The following C1QTNF7 variants were observed in gnomAD, a reference collection of about 807,000 sequenced individuals.
C1QTNF7 encodes the protein complement C1q tumor necrosis factor-related protein 7.
In C1QTNF7, 15 loss-of-function variants were observed where a neutral mutation model predicts 19.6. That is an observed-to-expected ratio of 0.76 (90% CI 0.51 to 1.18). The LOEUF (loss-of-function observed/expected upper bound fraction) is 1.18. Ranked by LOEUF, C1QTNF7 falls within the 50% of genes most tolerant of loss-of-function variation. The probability of loss-of-function intolerance (pLI) is 0.00; values close to 1 mark genes in which losing one functional copy is unlikely to be tolerated. For synonymous variants in C1QTNF7, 142 were observed against 137.5 expected (o/e 1.03, Z -0.23); for missense variants, 324 against 359.7 (o/e 0.90, Z 0.80).
At chr4:15,413,762 T>C (rs1310185590) in intron 1 of C1QTNF7, among the ~76,000 whole-genome samples, 1 of 152,226 alleles carries the variant, frequency 6.6e-6, no homozygotes, top group African/African-American at 2.4e-5. Flanking sequence ...CCTCTGTGGA[T>C]GGAGACAAGG....
intron 1 of C1QTNF7, among the ~76,000 whole-genome samples, chr4:15,380,834 C>T (rs1175815760): frequency 6.6e-6 from 1 of 151,984 alleles, no homozygotes; most frequent in African/African-American, 2.4e-5. Context: ...ACTGGGGAGG[C>T]TGAGGCAGGA....
At chr4:15,393,426 A>G (rs757470850) in intron 1 of C1QTNF7, among the ~76,000 whole-genome samples, 7 of 152,156 alleles carry the variant, frequency 4.6e-5, no homozygotes, top group East Asian at 1.9e-4. Context: ...TCTTAGAAGG[A>G]GGCCCCCAGG....
intron 2 of C1QTNF7, among the ~76,000 whole-genome samples, chr4:15,440,782 CATT>C (rs2108942441): frequency 6.6e-6 from 1 of 152,202 alleles, no homozygotes; most frequent in Non-Finnish European, 1.5e-5. Flanking sequence ...TGGTGGCAGT[CATT>C]GTTTTATGGT....
At position 15,430,393 on chromosome 4, in the gene C1QTNF7, T is replaced by C. The variant is rs1712250219; in HGVS notation, c.-9+2287T>C. Among the ~76,000 whole-genome samples, 4 of 152,284 alleles carry C rather than the reference T, an allele frequency of 2.6e-5. No individual in the cohort carries two copies. The South Asian group carries it at 8.3e-4, about 32-fold the overall frequency. ...TGAGTTTAGGAGTTCAAGACCAACC[T>C]GGGTAACTTGGTGAAACCTCATCTC... is the stretch of plus-strand genomic sequence containing the variant. On this transcript the variant is annotated intron_variant, in intron 1 of 2. Transcript: ENST00000444304.
At chr4:15,364,426 G>A (rs1454641990) in intron 1 of C1QTNF7, among the ~76,000 whole-genome samples, 1 of 152,142 alleles carries the variant, frequency 6.6e-6, no homozygotes, top group Non-Finnish European at 1.5e-5. Context: ...CTGAGATCTG[G>A]GAGGTGTTTA....
chr4:15,427,362 CACCATAGACGACTAGTCATATGCTTTGGA>C (rs1712097162), upstream of C1QTNF7, among the ~76,000 whole-genome samples: 1 of 152,130 alleles, frequency 6.6e-6, no homozygotes, highest in Admixed American at 6.5e-5. Context: ...AAATTGATTG[CACCATAGACGACTAGTCATATGCTTTGGA>C]GAATCATTCT....
intron 1 of C1QTNF7, among the ~76,000 whole-genome samples, chr4:15,340,361 C>T (rs1329450761): frequency 4.6e-5 from 7 of 152,098 alleles, no homozygotes; most frequent in Non-Finnish European, 1.5e-5. Context: ...GGTTAGAAAA[C>T]CTCCGCAGGA....
chr4:15,340,551 A>C (rs1311392521), intron 1 of C1QTNF7, among the ~76,000 whole-genome samples: 1 of 152,124 alleles, frequency 6.6e-6, no homozygotes, highest in Non-Finnish European at 1.5e-5. Flanking sequence ...CAGCTTATCT[A>C]TGTTTTCTTA....
At chr4:15,358,140 G>C (rs1172157140) in intron 1 of C1QTNF7, 1 of 152,188 alleles carries the variant, frequency 6.6e-6, no homozygotes. Flanking sequence ...AGTGGTGAGA[G>C]AAGGCATTCT....
At chr4:15,436,987 A>C (rs759084984) in intron 2 of C1QTNF7, among the ~76,000 whole-genome samples, 34 of 152,238 alleles carry the variant, frequency 2.2e-4, no homozygotes, top group Non-Finnish European at 4.6e-4. Flanking sequence ...AAATCTATGA[A>C]CATTGCACAA....
intron 1 of C1QTNF7, chr4:15,381,800 T>G (rs985163927): frequency 1.3e-5 from 2 of 152,198 alleles, no homozygotes; most frequent in African/African-American, 4.8e-5. Flanking sequence ...GGAACCCAAC[T>G]CAGACAGGAT....
chr4:15,417,624 G>A (rs980081786), intron 1 of C1QTNF7, among the ~76,000 whole-genome samples: 1 of 152,166 alleles, frequency 6.6e-6, no homozygotes, highest in African/African-American at 2.4e-5. Flanking sequence ...AAATATGGTG[G>A]CACACACCTG....
intron 1 of C1QTNF7, among the ~76,000 whole-genome samples, chr4:15,416,837 T>G (rs1002260582): frequency 1.3e-5 from 2 of 152,210 alleles, no homozygotes; most frequent in Admixed American, 6.5e-5. Flanking sequence ...CTTGAAGTCC[T>G]TCCTCTTATG....
At chr4:15,415,979 C>A (rs2108921055) in intron 1 of C1QTNF7, among the ~76,000 whole-genome samples, 1 of 152,182 alleles carries the variant, frequency 6.6e-6, no homozygotes, top group Non-Finnish European at 1.5e-5. Flanking sequence ...AAATGTTACA[C>A]TGTGATTAAC....
At chr4:15,433,144 C>G (rs1252349660) in intron 1 of C1QTNF7, among the ~76,000 whole-genome samples, 2 of 152,150 alleles carry the variant, frequency 1.3e-5, no homozygotes, top group Admixed American at 1.3e-4. Context: ...CCTTGCACCC[C>G]ATGTCTAGTT....
At chr4:15,439,730 G>C (rs1231375243) in intron 2 of C1QTNF7, among the ~76,000 whole-genome samples, 2 of 152,052 alleles carry the variant, frequency 1.3e-5, no homozygotes, top group African/African-American at 4.8e-5. Flanking sequence ...TGCACTACAG[G>C]TTACTAATAA....
chr4:15,381,705 A>T (rs894972930), intron 1 of C1QTNF7: 1 of 152,208 alleles, frequency 6.6e-6, no homozygotes, highest in Non-Finnish European at 1.5e-5. Context: ...GGCTAGCATG[A>T]ACTAGACATT....
At chr4:15,391,175 G>A (rs1443176672) in intron 1 of C1QTNF7, among the ~76,000 whole-genome samples, 1 of 151,720 alleles carries the variant, frequency 6.6e-6, no homozygotes, top group Non-Finnish European at 1.5e-5. Context: ...CTCTGAGGTG[G>A]TATGACTGTT....
At chr4:15,350,308 A>AAGGAAGGAGGAAAGAAGGGAGGG (rs1553884463) in intron 1 of C1QTNF7, among the ~76,000 whole-genome samples, 4,319 of 13,802 alleles carry the variant, frequency 0.31, 1,451 homozygotes, top group African/African-American at 0.46. Flanking sequence ...GAAAGGAGGG[A>AAGGAAGGAGGAAAGAAGGGAGGG]AGGGAGGGAA....
Sources: gnomAD v4.1 joint callset for allele counts (sites outside exome capture counted in the v4.1 genomes callset) on GRCh38, gnomAD v4.1.1 for gene constraint, MANE v1.5 for transcripts, NCBI Gene and HGNC (gene_info 2026-07-23, HGNC 2026-07-21) for gene names.